The following FGF12 variants were observed in gnomAD, a reference collection of about 807,000 sequenced individuals.
FGF12 encodes fibroblast growth factor 12B.
In FGF12, 14 loss-of-function variants were observed where a neutral mutation model predicts 23.6. That is an observed-to-expected ratio of 0.59 (90% CI 0.39 to 0.93). The LOEUF (loss-of-function observed/expected upper bound fraction) is 0.93, where lower values mean the gene tolerates loss of function less well. Ranked by LOEUF, FGF12 falls within the 40% of genes least tolerant of loss-of-function variation. The pLI, the probability that FGF12 is intolerant of heterozygous loss-of-function variation, is 0.00. For missense variants in FGF12, 175 were observed against 217.8 expected (o/e 0.80, Z 1.24); for synonymous variants, 62 against 77.3 (o/e 0.80, Z 1.04).
chr3:192,361,713 C>T (rs1718736075), intron 2 of FGF12, among the ~76,000 whole-genome samples: 1 of 152,166 alleles, frequency 6.6e-6, no homozygotes, highest in African/African-American at 2.4e-5. Flanking sequence ...TCTAGTTAAG[C>T]ATTTAATGTG....
At chr3:192,695,064 T>C (rs1718071447) in intron 2 of FGF12, among the ~76,000 whole-genome samples, 2 of 152,134 alleles carry the variant, frequency 1.3e-5, no homozygotes, top group African/African-American at 4.8e-5. Context: ...GACAGATGTG[T>C]CAACTGGCTT....
chr3:192,652,814 G>T (rs1464899708), intron 2 of FGF12, among the ~76,000 whole-genome samples: 1 of 152,168 alleles, frequency 6.6e-6, no homozygotes, highest in African/African-American at 2.4e-5. Flanking sequence ...TTCTAACCCA[G>T]AATTACCAAC....
chr3:192,640,303 A>G (rs1715743658), intron 2 of FGF12, among the ~76,000 whole-genome samples: 1 of 152,228 alleles, frequency 6.6e-6, no homozygotes, highest in African/African-American at 2.4e-5. Context: ...ATATGTATCC[A>G]TAACATCATG....
intron 2 of FGF12, among the ~76,000 whole-genome samples, chr3:192,558,913 A>G (rs1186944122): frequency 6.6e-6 from 1 of 152,006 alleles, no homozygotes; most frequent in Non-Finnish European, 1.5e-5. Flanking sequence ...AAATAATGAA[A>G]TTGAACCATT....
At chr3:192,339,325 TCAAAG>T (rs1443903891) in intron 3 of FGF12, among the ~76,000 whole-genome samples, 1 of 152,150 alleles carries the variant, frequency 6.6e-6, no homozygotes, top group Non-Finnish European at 1.5e-5. Flanking sequence ...TCACTACTCC[TCAAAG>T]CCACTGTCCT....
At chr3:192,267,725 T>C (rs925127958) in intron 4 of FGF12, among the ~76,000 whole-genome samples, 33 of 152,296 alleles carry the variant, frequency 2.2e-4, no homozygotes, top group African/African-American at 7.5e-4. Context: ...CATATGCACA[T>C]ACATCAATTT....
rs1721059299 is a variant in FGF12, at chr3:192,408,466, C to T, written c.14-47928G>A. On this transcript the variant is annotated intron_variant, in intron 2 of 5. Coordinates refer to ENST00000445105, the MANE Select transcript of FGF12 (RefSeq NM_004113.6). This position sits in a 1 kb window ranked among gnomAD's most constrained non-coding sequence, Gnocchi z 7.3. ...TCCCCAACCTCTGGCGGCCGGGGGG[C>T]GGGGCGGGGCGGTCCCAGGCCCTCT... is the stretch of plus-strand genomic sequence containing the variant. 2 of 1,344,234 alleles carry T rather than the reference C, an allele frequency of 1.5e-6. No homozygotes were observed. Among genetic ancestry groups the T allele is most frequent in the Non-Finnish European group, 1.9e-6 (2 of 1,051,660 alleles). The allele number at this position is 1,344,234 out of a possible 1,614,324, so 83.3% of individuals were successfully genotyped here. A position where few individuals can be genotyped will look rare whatever the true frequency, so the allele number is the denominator to read the frequency against.
chr3:192,414,092 T>C (rs1359126002), intron 2 of FGF12, among the ~76,000 whole-genome samples: 2 of 152,198 alleles, frequency 1.3e-5, no homozygotes, highest in Non-Finnish European at 2.9e-5. Flanking sequence ...ACAGATTTAA[T>C]TCCTCTTTAT....
chr3:192,417,770 A>C lies in FGF12; in HGVS notation c.14-57232T>G, dbSNP rs528412962. ...TGAACCCTTGATAAAACCCTGCTGCAACCCTGATAAAACCCTAAGGTAAAC... is the reference window on the plus strand; with the variant it reads ...TGAACCCTTGATAAAACCCTGCTGCCACCCTGATAAAACCCTAAGGTAAAC... On this transcript the variant is annotated intron_variant, in intron 2 of 5. Coordinates refer to ENST00000445105, the MANE Select transcript of FGF12 (RefSeq NM_004113.6). 3.7e-4 allele frequency among the ~76,000 whole-genome samples: 56 copies of C among 152,184 alleles called. 2 individuals are homozygous for C. The highest frequency in any genetic ancestry group is 2.2e-3 in the Admixed American group (34 of 15,274).
chr3:192,185,916 A>G (rs971515550), intron 4 of FGF12, among the ~76,000 whole-genome samples: 2 of 152,136 alleles, frequency 1.3e-5, no homozygotes, highest in Non-Finnish European at 2.9e-5. Context: ...AAAAATAACC[A>G]TTTAATTTTT....
chr3:192,312,058 A>G (rs1715977255), intron 4 of FGF12, among the ~76,000 whole-genome samples: 1 of 152,114 alleles, frequency 6.6e-6, no homozygotes, highest in Non-Finnish European at 1.5e-5. Flanking sequence ...TATATATTCT[A>G]GATACAAATT....
chr3:192,314,840 G>A (rs1412393654), intron 4 of FGF12, among the ~76,000 whole-genome samples: 1 of 152,184 alleles, frequency 6.6e-6, no homozygotes, highest in Non-Finnish European at 1.5e-5. Context: ...TGAGTTACAT[G>A]TAGAATTATG....
intron 2 of FGF12, among the ~76,000 whole-genome samples, chr3:192,436,801 C>A (rs6800280): frequency 6.6e-6 from 1 of 152,054 alleles, no homozygotes; most frequent in African/African-American, 2.4e-5. Context: ...AAAACTAGAA[C>A]GCATCCCCCT....
rs554218959 is a variant in FGF12, at chr3:192,551,413, G to A, written c.13+175768C>T. Among the ~76,000 whole-genome samples the A allele has an allele frequency of 3.0e-4, 45 of 152,284 alleles. 1 individual carries two copies. Among genetic ancestry groups the A allele is most frequent in the African/African-American group, 1.1e-3 (44 of 41,560 alleles). On this transcript the variant is annotated intron_variant, in intron 2 of 5. Transcript: ENST00000445105. ...GCCCTCAGGCCCTTGGCCAAAAGAT[G>A]GGCTACTTTTGTTCAGGAGAGTATT...
chr3:192,459,257 CA>C (rs1722780628), intron 2 of FGF12, among the ~76,000 whole-genome samples: 1 of 152,160 alleles, frequency 6.6e-6, no homozygotes, highest in African/African-American at 2.4e-5. Flanking sequence ...TCGATTTCAC[CA>C]ACTTAGTTAA....
chr3:192,503,751 G>A (rs1467286371), intron 2 of FGF12, among the ~76,000 whole-genome samples: 2 of 151,670 alleles, frequency 1.3e-5, no homozygotes, highest in Admixed American at 1.3e-4. Flanking sequence ...GACTACAGGC[G>A]CCCGCCACCA....
intron 4 of FGF12, among the ~76,000 whole-genome samples, chr3:192,231,282 C>A (rs577698486): frequency 3.2e-4 from 48 of 150,908 alleles, no homozygotes; most frequent in Middle Eastern, 3.4e-3. Context: ...GGTCACAGGC[C>A]CCCCTTTTTT....
At chr3:192,167,163 CAAAAA>C (rs35097529) in intron 5 of FGF12, among the ~76,000 whole-genome samples, 3 of 108,074 alleles carry the variant, frequency 2.8e-5, no homozygotes, top group Admixed American at 9.7e-5. Flanking sequence ...ATATGGCTAT[CAAAAA>C]AAAAAAAAAA....
intron 2 of FGF12, among the ~76,000 whole-genome samples, chr3:192,599,304 T>A (rs1310780869): frequency 7.2e-6 from 1 of 138,274 alleles, no homozygotes; most frequent in Non-Finnish European, 1.6e-5. Flanking sequence ...ACCTTTGGAA[T>A]CCTACAGTCC....
Sources: allele counts gnomAD v4.1 joint callset (sites outside exome capture counted in the v4.1 genomes callset), GRCh38; gene constraint gnomAD v4.1.1; non-coding constraint Gnocchi (gnomAD v3.1); transcripts MANE v1.5; gene names NCBI Gene and HGNC (gene_info 2026-07-23, HGNC 2026-07-21).